Variants in TENM2 observed in about 807,000 individuals in gnomAD.
The protein encoded by TENM2 is teneurin transmembrane protein 2.
A neutral mutation model predicts 245.2 loss-of-function variants in TENM2; 52 were observed. That is an observed-to-expected ratio of 0.21 (90% CI 0.17 to 0.27). The LOEUF (loss-of-function observed/expected upper bound fraction) is 0.27, where lower values mean the gene tolerates loss of function less well. Among genes scored for constraint, TENM2 ranks in the 10% least tolerant of loss-of-function variants. The pLI is 1.00. For synonymous variants in TENM2, 1,363 were observed against 1,438.9 expected, an observed-to-expected ratio of 0.95 and a Z score of 1.19; for missense variants, 3,046 against 3,666.8, an observed-to-expected ratio of 0.83 and a Z score of 4.37.
At chr5:167,427,509 G>A (rs1763906227) in intron 2 of TENM2, among the ~76,000 whole-genome samples, 1 of 149,272 alleles carries the variant, frequency 6.7e-6, no homozygotes, top group Admixed American at 6.7e-5. Flanking sequence ...AGAGAAGGAA[G>A]GGAAGGAAGG....
chr5:167,114,170 T>C, the TENM2 span, among the ~76,000 whole-genome samples: 2,772 of 152,318 alleles, frequency 0.018, 36 homozygotes, highest in Non-Finnish European at 0.027. Context: ...CAAACGTTTT[T>C]CTTCTGTCTC....
the TENM2 span, among the ~76,000 whole-genome samples, chr5:167,084,326 GTTATATATATATATAT>G: frequency 1.5e-4 from 1 of 6,748 alleles, no homozygotes; most frequent in African/African-American, 3.1e-4. Flanking sequence ...AGCCATTTTA[GTTATATATATATATAT>G]ATATATATAT....
chr5:167,261,858 G>A, the TENM2 span, among the ~76,000 whole-genome samples: 1 of 152,030 alleles, frequency 6.6e-6, no homozygotes, highest in Non-Finnish European at 1.5e-5. Context: ...TCTTCCTTGA[G>A]CAGAAGCCAT....
intron 2 of TENM2, among the ~76,000 whole-genome samples, chr5:167,446,271 G>A (rs1486975486): frequency 1.3e-5 from 2 of 152,008 alleles, no homozygotes; most frequent in African/African-American, 4.8e-5. Flanking sequence ...CTCACCTATT[G>A]ATGAGATCCA....
chr5:167,510,614 G>T (rs1001218877), intron 2 of TENM2, among the ~76,000 whole-genome samples: 1 of 144,896 alleles, frequency 6.9e-6, no homozygotes, highest in East Asian at 2.0e-4. Context: ...AAGGAAAGAA[G>T]GAAGGAAGGA....
At chr5:167,852,641 T>A (rs1362232663) in intron 2 of TENM2, among the ~76,000 whole-genome samples, 5 of 152,192 alleles carry the variant, frequency 3.3e-5, no homozygotes, top group Admixed American at 1.3e-4. Flanking sequence ...TAATGGTAAT[T>A]GGTGTATTTT....
chr5:167,101,849 T>TTTTATATATATATATATA, the TENM2 span, among the ~76,000 whole-genome samples: 18 of 69,438 alleles, frequency 2.6e-4, no homozygotes, highest in East Asian at 4.2e-4. Flanking sequence ...ATATATATAT[T>TTTTATATATATATATATA]TATATATATA....
the TENM2 span, among the ~76,000 whole-genome samples, chr5:167,215,804 T>G: frequency 2.0e-5 from 3 of 151,498 alleles, no homozygotes; most frequent in Non-Finnish European, 1.5e-5. Flanking sequence ...ACACATTAGC[T>G]TTTACTTTCA....
the TENM2 span, among the ~76,000 whole-genome samples, chr5:167,275,527 A>G: frequency 3.3e-5 from 5 of 151,958 alleles, no homozygotes; most frequent in African/African-American, 1.2e-4. Flanking sequence ...ATCTTCTATA[A>G]TTTCTTTCAT....
chr5:167,470,454 C>CTTTTTTGTTTTTTTTTT (rs1766941414), intron 2 of TENM2, among the ~76,000 whole-genome samples: 1 of 47,394 alleles, frequency 2.1e-5, no homozygotes, highest in Non-Finnish European at 3.6e-5. Context: ...GCAATGCTTG[C>CTTTTTTGTTTTTTTTTT]TTTTTTTTTT....
At chr5:167,773,096 A>C (rs2150777506) in intron 2 of TENM2, among the ~76,000 whole-genome samples, 1 of 152,330 alleles carries the variant, frequency 6.6e-6, no homozygotes, top group East Asian at 1.9e-4. Context: ...GAAATGATAG[A>C]ATGCTTTCAA....
At chr5:167,642,298 G>T (rs1779664964) in intron 2 of TENM2, among the ~76,000 whole-genome samples, 1 of 151,974 alleles carries the variant, frequency 6.6e-6, no homozygotes, top group South Asian at 2.1e-4. Flanking sequence ...GGTATTCAGG[G>T]AATGAGAAGG....
At chr5:167,520,155 G>A (rs1770660288) in intron 2 of TENM2, among the ~76,000 whole-genome samples, 1 of 152,146 alleles carries the variant, frequency 6.6e-6, no homozygotes, top group Admixed American at 6.5e-5. Flanking sequence ...CCAGCAAGGA[G>A]CAGTTGAGGA....
intron 2 of TENM2, among the ~76,000 whole-genome samples, chr5:167,730,547 A>G (rs1178424767): frequency 6.6e-6 from 1 of 152,128 alleles, no homozygotes; most frequent in Non-Finnish European, 1.5e-5. Context: ...TTATATGATA[A>G]GACACAGCTC....
intron 2 of TENM2, among the ~76,000 whole-genome samples, chr5:167,522,634 A>T (rs2127583194): frequency 6.6e-6 from 1 of 152,256 alleles, no homozygotes; most frequent in African/African-American, 2.4e-5. Flanking sequence ...TAAAAATAAA[A>T]ATCTACTTAA....
intron 25 of TENM2, among the ~76,000 whole-genome samples, chr5:168,237,385 G>A (rs1180328269): frequency 2.6e-5 from 4 of 152,064 alleles, no homozygotes; most frequent in South Asian, 2.1e-4. Context: ...CAGGGTTCTT[G>A]TACCCAGTCT....
intron 2 of TENM2, among the ~76,000 whole-genome samples, chr5:167,748,113 C>T (rs1761713019): frequency 6.6e-6 from 1 of 152,122 alleles, no homozygotes; most frequent in Non-Finnish European, 1.5e-5. Context: ...ATTAGTTACC[C>T]TTTTTCCTTT....
At chr5:167,477,367 C>T (rs1767459277) in intron 2 of TENM2, among the ~76,000 whole-genome samples, 2 of 150,262 alleles carry the variant, frequency 1.3e-5, no homozygotes, top group African/African-American at 2.5e-5. Flanking sequence ...AATGTCAACA[C>T]AATGAAAAAG....
chr5:166,988,927 C>A, the TENM2 span, among the ~76,000 whole-genome samples: 1 of 152,204 alleles, frequency 6.6e-6, no homozygotes, highest in Non-Finnish European at 1.5e-5. Flanking sequence ...GTCCAACTCC[C>A]TTTCTACTAG....
Sources: gnomAD v4.1 joint callset for allele counts (sites outside exome capture counted in the v4.1 genomes callset) on GRCh38, gnomAD v4.1.1 for gene constraint, MANE v1.5 for transcripts, NCBI Gene and HGNC (gene_info 2026-07-23, HGNC 2026-07-21) for gene names.